SMC4: variants seen among roughly 807,000 people sequenced by gnomAD.
The protein encoded by SMC4 is structural maintenance of chromosomes 4.
SMC4 carries 87 observed loss-of-function variants against 145.6 expected under a neutral mutation model. The observed-to-expected ratio is 0.60, with a 90% CI of 0.50 to 0.71. The LOEUF (loss-of-function observed/expected upper bound fraction) is 0.71. Ranked by LOEUF, SMC4 falls within the 30% of genes least tolerant of loss-of-function variation. SMC4 has a pLI of 0.00. For synonymous variants in SMC4, 558 were observed against 500.7 expected, an observed-to-expected ratio of 1.11 and a Z score of -1.53; for missense variants, 1,447 against 1,537.1, an observed-to-expected ratio of 0.94 and a Z score of 0.98.
At chr3:160,419,005 T>TA (rs1484733188) in intron 11 of SMC4, among the ~76,000 whole-genome samples, 1 of 152,206 alleles carries the variant, frequency 6.6e-6, no homozygotes, top group Non-Finnish European at 1.5e-5. Context: ...AGCTTTTCAT[T>TA]AGGGCAGAGC....
intron 22 of SMC4, 40 bp from the exon 23 acceptor site, chr3:160,432,986 T>C (rs1018877448): frequency 1.4e-6 from 2 of 1,425,914 alleles, no homozygotes; most frequent in East Asian, 2.3e-5. Flanking sequence ...TAACTTTAGC[T>C]TTACAGGTAA....
intron 5 of SMC4, among the ~76,000 whole-genome samples, chr3:160,406,495 C>G (rs974883605): frequency 6.6e-6 from 1 of 152,028 alleles, no homozygotes; most frequent in Non-Finnish European, 1.5e-5. Context: ...ATTACCTTCT[C>G]TCCTACTGAA....
chr3:160,425,840 C>CA (rs1356520554), intron 16 of SMC4, among the ~76,000 whole-genome samples: 2 of 152,172 alleles, frequency 1.3e-5, no homozygotes, highest in Non-Finnish European at 2.9e-5. Flanking sequence ...GGGTGGTCTA[C>CA]ATAAGTTTGC....
chr3:160,429,686 TA>T (rs917154996), intron 18 of SMC4, among the ~76,000 whole-genome samples: 25 of 144,848 alleles, frequency 1.7e-4, no homozygotes, highest in African/African-American at 5.8e-4. Flanking sequence ...TCATTGTCCT[TA>T]AAAAAAAAGA....
intron 1 of SMC4, 140 bp from the exon 2 acceptor site, chr3:160,400,682 C>T (rs1209289727): frequency 3.6e-6 from 4 of 1,109,664 alleles, no homozygotes; most frequent in African/African-American, 3.3e-5. Flanking sequence ...TCGATGGCTC[C>T]CTTCCCGAAG....
chr3:160,417,689 T>G, intron 10 of SMC4, 34 bp from the exon 11 acceptor site: 1 of 1,492,594 alleles, frequency 6.7e-7, no homozygotes, highest in African/African-American at 1.4e-5. Flanking sequence ...AAAGTAAATA[T>G]CTGTCCAGAT....
At chr3:160,423,701 G>T in intron 14 of SMC4, 51 bp downstream of exon 14, 3 of 1,595,954 alleles carry the variant, frequency 1.9e-6, no homozygotes, top group Non-Finnish European at 2.6e-6. Flanking sequence ...CCACAGCATT[G>T]ACTTTATTTA....
intron 5 of SMC4, among the ~76,000 whole-genome samples, chr3:160,408,132 C>G (rs1442118837): frequency 6.6e-6 from 1 of 152,146 alleles, no homozygotes; most frequent in Non-Finnish European, 1.5e-5. Context: ...CTGTAAGAAT[C>G]ACTGAAACCC....
rs1553774862 is a variant in SMC4, at chr3:160,425,019, GGTATGT to G, written c.2478+3_2478+8del. On this transcript the variant is annotated splice_donor_variant and splice_donor_5th_base_variant and intron_variant, in intron 16 of 23. Coordinates refer to ENST00000357388, the MANE Select transcript of SMC4 (RefSeq NM_001002800.3). LOFTEE classifies it high-confidence loss of function. Reference sequence around the variant, plus strand: ...TAGAAAAATTTACTGCAAGCATCCAGGTATGTGTGTGTGTGTGTGTGTGTGTGTGTG... The same window carrying G: ...TAGAAAAATTTACTGCAAGCATCCAGGTGTGTGTGTGTGTGTGTGTGTGTG... The G allele has an allele frequency of 4.9e-6, 6 of 1,226,998 alleles. No individual in the cohort carries two copies. In the African/African-American group the frequency reaches 1.1e-4, roughly 22 times the overall value. 76.0% of individuals were successfully genotyped at this position (1,226,998 alleles called of 1,614,324 possible). A position where few individuals can be genotyped will look rare whatever the true frequency, so the allele number is the denominator to read the frequency against.
At chr3:160,428,660 C>A in intron 17 of SMC4, 93 bp from the exon 18 acceptor site, 1 of 1,200,942 alleles carries the variant, frequency 8.3e-7, no homozygotes, top group Non-Finnish European at 1.2e-6. Flanking sequence ...TAATGCATCA[C>A]GTCAAGTCAT....
intron 2 of SMC4, among the ~76,000 whole-genome samples, chr3:160,401,564 C>T (rs1315485968): frequency 6.6e-6 from 1 of 152,126 alleles, no homozygotes; most frequent in Non-Finnish European, 1.5e-5. Context: ...AGGATTTAAC[C>T]TCCTGTTTAG....
intron 17 of SMC4, among the ~76,000 whole-genome samples, chr3:160,426,546 G>C (rs1717813308): frequency 6.6e-6 from 1 of 152,148 alleles, no homozygotes; most frequent in Non-Finnish European, 1.5e-5. Context: ...AGATAACACA[G>C]GGAATAAGTG....
intron 8 of SMC4, chr3:160,413,885 CTT>C: frequency 3.3e-6 from 1 of 307,284 alleles, no homozygotes. Context: ...ACAGTTTAAT[CTT>C]TTAGTAGTCC....
intron 16 of SMC4, among the ~76,000 whole-genome samples, chr3:160,425,350 C>T (rs1717680218): frequency 6.6e-6 from 1 of 152,068 alleles, no homozygotes; most frequent in African/African-American, 2.4e-5. Context: ...TGCACGCCCA[C>T]TGTTTTTTTA....
chr3:160,405,809 A>T (rs1310156653), intron 5 of SMC4, among the ~76,000 whole-genome samples: 1 of 152,002 alleles, frequency 6.6e-6, no homozygotes, highest in African/African-American at 2.4e-5. Flanking sequence ...ATTGACTTAC[A>T]TATTCTGGGA....
chr3:160,416,563 A>C (rs766799204), intron 10 of SMC4, 148 bp downstream of exon 10: 3 of 455,078 alleles, frequency 6.6e-6, no homozygotes, highest in Non-Finnish European at 1.2e-5. Context: ...CTAGACTTAG[A>C]TGACTATTCT....
chr3:160,431,275 GT>G, intron 20 of SMC4, 70 bp downstream of exon 20: 1 of 1,293,080 alleles, frequency 7.7e-7, no homozygotes, highest in Non-Finnish European at 1.0e-6. Context: ...GGGGAGGATT[GT>G]TTTAGGGGGT....
chr3:160,405,212 T>C (rs1715193717), intron 5 of SMC4, among the ~76,000 whole-genome samples: 1 of 152,058 alleles, frequency 6.6e-6, no homozygotes, highest in Admixed American at 6.5e-5. Flanking sequence ...AACTGATTTT[T>C]ATTAGAAACC....
chr3:160,432,353 C>T lies in SMC4; in HGVS notation c.3368C>T (p.Ala1123Val). ...TATGAAAGAGACAGTTTTAGACAGGCATATGAAGATCTTCGGAAACAAAGG... is the reference window on the plus strand; with the variant it reads ...TATGAAAGAGACAGTTTTAGACAGGTATATGAAGATCTTCGGAAACAAAGG... ...ITYERDSFRQ[A>V]YEDLRKQRLN... The change falls in exon 22 of 24, where the codon GCA becomes GTA. Residue 1123 changes from alanine (A) to valine (V), a missense_variant. Ala to Val is a moderately conservative substitution (Grantham distance 64). Coordinates refer to ENST00000357388, the MANE Select transcript of SMC4 (RefSeq NM_001002800.3). 1 of 1,613,890 alleles carries T rather than the reference C, an allele frequency of 6.2e-7. No individual in the cohort carries two copies. The highest frequency in any genetic ancestry group is 8.5e-7 in the Non-Finnish European group (1 of 1,179,906).
Sources: allele counts gnomAD v4.1 joint callset (sites outside exome capture counted in the v4.1 genomes callset), GRCh38; gene constraint gnomAD v4.1.1; transcripts MANE v1.5; gene names NCBI Gene and HGNC (gene_info 2026-07-23, HGNC 2026-07-21).